The following ORC2 variants were observed in gnomAD, a reference collection of about 807,000 sequenced individuals.
The protein encoded by ORC2 is origin recognition complex subunit 2, also known as origin recognition complex protein 2 homolog.
Under a neutral mutation model 77.7 loss-of-function variants are expected in ORC2, and 37 were observed. The ratio of observed to expected loss-of-function variants is 0.48; its 90% CI spans 0.37 to 0.63. The LOEUF (loss-of-function observed/expected upper bound fraction) is 0.63, where lower values mean the gene tolerates loss of function less well. Among genes scored for constraint, ORC2 ranks in the 20% least tolerant of loss-of-function variants. ORC2 has a pLI of 0.00. For missense variants in ORC2, 557 were observed against 661.9 expected (o/e 0.84, Z 1.74); for synonymous variants, 201 against 229.5 (o/e 0.88, Z 1.12).
chr2:200,960,292 AAAC>A lies in ORC2; in HGVS notation c.-59-855_-59-853del, dbSNP rs141348896. ...CACACCAGGTCAAAAAAATTTTTTT[AAAC>A]AACAACGACAACAAAAAATTGTGGA... On this transcript the variant is annotated intron_variant, in intron 1 of 17. Transcript: ENST00000234296. Among the ~76,000 whole-genome samples the A allele has an allele frequency of 1.6e-3, 250 of 152,256 alleles. 1 individual carries two copies. The East Asian group carries it at 0.019, about 12-fold the overall frequency.
Position 200,920,334 on chromosome 2 carries a change from T to C in ORC2, c.1354A>G (p.Ser452Gly). The C allele has an allele frequency of 6.2e-7, 1 of 1,612,648 alleles. No homozygotes were observed. Among genetic ancestry groups the C allele is most frequent in the Non-Finnish European group, 8.5e-7 (1 of 1,179,002 alleles). The change falls in exon 15 of 18, where the codon AGT (serine) becomes GGT (glycine). Residue 452 changes from serine to glycine, a missense_variant. Physicochemically the swap from Ser to Gly is moderately conservative, Grantham distance 56. Transcript: ENST00000234296. ...NWLWYETTTYSPYTEETSYEN... is the reference protein window; with the variant it reads ...NWLWYETTTYGPYTEETSYEN... ...TAGGAGGTTTCTTCAGTATAAGGAC[T>C]GTATGTAGTAGTTTCATACCAGAGC...
At chr2:200,911,430 G>A in intron 17 of ORC2, 43 bp from the exon 18 acceptor site, 2 of 1,090,864 alleles carry the variant, frequency 1.8e-6, no homozygotes, top group Non-Finnish European at 2.8e-6. Context: ...ATTCATAAGA[G>A]GTATATGAAC....
At chr2:200,924,860 G>A (rs1294997134) in intron 13 of ORC2, among the ~76,000 whole-genome samples, 2 of 152,078 alleles carry the variant, frequency 1.3e-5, no homozygotes, top group Non-Finnish European at 2.9e-5. Context: ...CCGGGCTCAA[G>A]CAATTCTCCT....
rs1054280400 is a variant in ORC2 at position 200,949,012 on chromosome 2, G to A, written c.328+542C>T. Among the ~76,000 whole-genome samples, 12 of 152,044 alleles carry A rather than the reference G, an allele frequency of 7.9e-5. 1 individual carries two copies. Among genetic ancestry groups the A allele is most frequent in the Admixed American group, 2.6e-4 (4 of 15,276 alleles). Reference sequence around the variant, plus strand: ...CCAGCACTTTGGGAAGCCGAGGTGGGTGGATCACTTGAGGTTTGGAGTTTG... The same window carrying A: ...CCAGCACTTTGGGAAGCCGAGGTGGATGGATCACTTGAGGTTTGGAGTTTG... On this transcript the variant is annotated intron_variant, in intron 5 of 17. Transcript: ENST00000234296.
chr2:200,927,790 C>T (rs1273001794), intron 11 of ORC2, among the ~76,000 whole-genome samples: 4 of 150,742 alleles, frequency 2.7e-5, no homozygotes, highest in East Asian at 4.2e-4. Flanking sequence ...CTCCGCCTCC[C>T]GGGTTCAAGC....
intron 11 of ORC2, among the ~76,000 whole-genome samples, chr2:200,928,275 G>C (rs1481671006): frequency 2.0e-5 from 3 of 147,632 alleles, no homozygotes; most frequent in Non-Finnish European, 4.5e-5. Flanking sequence ...AGAATTGCTT[G>C]AACCTGGGAG....
At chr2:200,951,822 A>T (rs576020388) in intron 4 of ORC2, among the ~76,000 whole-genome samples, 3 of 152,110 alleles carry the variant, frequency 2.0e-5, no homozygotes, top group Non-Finnish European at 4.4e-5. Context: ...CTTCTGCAAC[A>T]TTTTCTTCTA....
intron 8 of ORC2, among the ~76,000 whole-genome samples, chr2:200,936,812 T>C (rs2041056035): frequency 6.6e-6 from 1 of 152,124 alleles, no homozygotes; most frequent in Non-Finnish European, 1.5e-5. Flanking sequence ...TATAGCTAGT[T>C]TTACATTTAT....
chr2:200,920,379 T>G lies in ORC2; in HGVS notation c.1309A>C (p.Lys437Gln). The G allele has an allele frequency of 6.2e-7, 1 of 1,600,452 alleles. No individual in the cohort carries two copies. The highest frequency in any genetic ancestry group is 8.5e-7 in the Non-Finnish European group (1 of 1,171,952). Residue 437 changes from lysine to glutamine, a missense_variant, in exon 15 of 18, where the codon AAG becomes CAG. Physicochemically the swap from Lys to Gln is moderately conservative, Grantham distance 53. Transcript: ENST00000234296. ...LNAPLMWDHA[K>Q]QSLFNWLWYE... is the part of the protein sequence containing the mutation. The stretch of plus-strand genomic sequence containing the variant: ...CAGAGCCAGTTAAAAAGACTCTGCT[T>G]TGCATGATCCCACACTAGCACATGA...
intron 5 of ORC2, among the ~76,000 whole-genome samples, chr2:200,944,462 C>T (rs537371750): frequency 4.6e-5 from 7 of 152,236 alleles, no homozygotes; most frequent in African/African-American, 7.2e-5. Context: ...TGTGAGCCAC[C>T]GCGCCCGGCT....
At chr2:200,933,853 A>G in intron 10 of ORC2, 23 bp downstream of exon 10, 1 of 1,404,358 alleles carries the variant, frequency 7.1e-7, no homozygotes, top group South Asian at 1.2e-5. Context: ...AAAAATTTAG[A>G]AGTAACATTC....
At chr2:200,960,901 C>T (rs1212147354) in intron 1 of ORC2, among the ~76,000 whole-genome samples, 2 of 151,528 alleles carry the variant, frequency 1.3e-5, no homozygotes, top group African/African-American at 2.4e-5. Flanking sequence ...CTCAGCCTCC[C>T]GAGTAGCTGG....
At position 200,963,482 on chromosome 2, in the gene ORC2, C is replaced by A; in HGVS notation, c.-60+8G>T. 1 of 398,718 alleles carries A rather than the reference C, an allele frequency of 2.5e-6. No individual in the cohort carries two copies. The highest frequency in any genetic ancestry group is 3.6e-5 in the East Asian group (1 of 28,072). 24.7% of individuals were successfully genotyped at this position (398,718 alleles called of 1,614,324 possible). A position where few individuals can be genotyped will look rare whatever the true frequency, so the allele number is the denominator to read the frequency against. On this transcript the variant is annotated splice_region_variant and intron_variant, in intron 1 of 17. Transcript: ENST00000234296. ...GGAGGCAGGCTGCCCCGACACCCCA[C>A]TACTCACCGCTAGGTTTCCGTCTGG...
intron 1 of ORC2, among the ~76,000 whole-genome samples, chr2:200,961,127 A>C (rs1304609846): frequency 2.0e-5 from 3 of 152,000 alleles, no homozygotes; most frequent in African/African-American, 7.3e-5. Flanking sequence ...CCTGCCATCA[A>C]ATAAAAATGT....
Position 200,933,972 on chromosome 2 carries a change from A to C in ORC2, c.711T>G (p.Ser237Arg), listed in dbSNP as rs750079550. 1.3e-6 allele frequency: 2 copies of C among 1,576,242 alleles called. No homozygotes were observed. Among genetic ancestry groups the C allele is most frequent in the Non-Finnish European group, 1.7e-6 (2 of 1,148,798 alleles). Residue 237 changes from serine to arginine, a missense_variant and splice_region_variant, in exon 10 of 18, where the codon AGT becomes AGG. Transcript: ENST00000234296. ...PSKRMKRDKTSDLVEEYFEAH... is the reference protein window; with the variant it reads ...PSKRMKRDKTRDLVEEYFEAH... Reference sequence around the variant, plus strand: ...CTTCAAAATATTCTTCTACTAAGTCACTCTGAAAGTGAACAGAGTAGTCAG... The same window carrying C: ...CTTCAAAATATTCTTCTACTAAGTCCCTCTGAAAGTGAACAGAGTAGTCAG...
At chr2:200,930,600 G>C (rs948474489) in intron 11 of ORC2, among the ~76,000 whole-genome samples, 2 of 151,872 alleles carry the variant, frequency 1.3e-5, no homozygotes, top group African/African-American at 4.8e-5. Flanking sequence ...GGGATTATGG[G>C]AGGCCAAGTG....
chr2:200,924,770 T>G (rs576786941), intron 13 of ORC2, among the ~76,000 whole-genome samples: 1 of 152,292 alleles, frequency 6.6e-6, no homozygotes, highest in Non-Finnish European at 1.5e-5. Flanking sequence ...ATTTATTTAT[T>G]TATTTTTAGA....
intron 6 of ORC2, 46 bp from the exon 7 acceptor site, chr2:200,941,325 T>C: frequency 6.4e-7 from 1 of 1,562,020 alleles, no homozygotes; most frequent in Non-Finnish European, 8.8e-7. Flanking sequence ...GACACTTCAC[T>C]TTTCATTGTG....
chr2:200,937,429 T>C (rs2041067308), intron 8 of ORC2, among the ~76,000 whole-genome samples: 1 of 152,206 alleles, frequency 6.6e-6, no homozygotes, highest in Non-Finnish European at 1.5e-5. Flanking sequence ...AGGCTGAATT[T>C]AACAATGTTG....
Sources: allele counts gnomAD v4.1 joint callset (sites outside exome capture counted in the v4.1 genomes callset), GRCh38; gene constraint gnomAD v4.1.1; transcripts MANE v1.5; gene names NCBI Gene and HGNC (gene_info 2026-07-23, HGNC 2026-07-21).